Variants in PRKD1 observed in about 807,000 individuals in gnomAD.
The protein encoded by PRKD1 is serine/threonine-protein kinase D1.
A neutral mutation model predicts 95.9 loss-of-function variants in PRKD1; 63 were observed. That is an observed-to-expected ratio of 0.66 (90% confidence interval 0.54 to 0.81). The LOEUF is 0.81. PRKD1 is among the 30% of genes least tolerant of loss of function. The pLI is 0.00. For synonymous variants in PRKD1, 425 were observed against 423.1 expected (o/e 1.00, Z -0.05); for missense variants, 1,048 against 1,165.3 (o/e 0.90, Z 1.47).
intron 1 of PRKD1, among the ~76,000 whole-genome samples, chr14:29,925,437 T>C (rs1895263358): frequency 6.6e-6 from 1 of 152,204 alleles, no homozygotes; most frequent in South Asian, 2.1e-4. Context: ...TGTACTTCCC[T>C]TAAATACCCA....
intron 1 of PRKD1, among the ~76,000 whole-genome samples, chr14:29,810,452 C>A (rs1890435319): frequency 6.6e-6 from 1 of 152,222 alleles, no homozygotes; most frequent in Non-Finnish European, 1.5e-5. Context: ...TATGCTAATA[C>A]TTCAATCTAC....
At chr14:29,876,345 C>CTTGATACAAATGGAGGAGTA (rs1318138592) in intron 1 of PRKD1, among the ~76,000 whole-genome samples, 1 of 151,996 alleles carries the variant, frequency 6.6e-6, no homozygotes, top group African/African-American at 2.4e-5. Flanking sequence ...AAGAGTTTGC[C>CTTGATACAAATGGAGGAGTA]TACAAATGGA....
chr14:29,765,959 G>T (rs12895018), intron 1 of PRKD1, among the ~76,000 whole-genome samples: 26,283 of 152,052 alleles, frequency 0.17, 2,430 homozygotes, highest in South Asian at 0.23. Flanking sequence ...GACTGCATGG[G>T]TTTGCATGTT....
At chr14:29,724,599 T>G (rs544560803) in intron 2 of PRKD1, among the ~76,000 whole-genome samples, 3 of 152,088 alleles carry the variant, frequency 2.0e-5, no homozygotes, top group Non-Finnish European at 4.4e-5. Context: ...CAAAGCAAAG[T>G]GAATAAAACA....
chr14:29,832,173 CTTTCACCCAATATAGAGATA>C (rs1204947116), intron 1 of PRKD1, among the ~76,000 whole-genome samples: 4 of 152,228 alleles, frequency 2.6e-5, no homozygotes, highest in African/African-American at 9.6e-5. Context: ...CCAACTCACA[CTTTCACCCAATATAGAGATA>C]GTTCCCACCC....
At chr14:29,794,068 GATTT>G (rs1330497349) in intron 1 of PRKD1, among the ~76,000 whole-genome samples, 1 of 151,980 alleles carries the variant, frequency 6.6e-6, no homozygotes, top group Non-Finnish European at 1.5e-5. Context: ...ATAGAATGTA[GATTT>G]ATTATTAGGT....
At chr14:29,815,919 AAAC>A (rs1890668191) in intron 1 of PRKD1, among the ~76,000 whole-genome samples, 1 of 152,110 alleles carries the variant, frequency 6.6e-6, no homozygotes, top group Non-Finnish European at 1.5e-5. Flanking sequence ...GCATTTTGAT[AAAC>A]AACTTAGTCA....
intron 1 of PRKD1, among the ~76,000 whole-genome samples, chr14:29,841,043 T>C (rs1038267396): frequency 6.6e-6 from 1 of 152,266 alleles, no homozygotes; most frequent in African/African-American, 2.4e-5. Flanking sequence ...ACTGCCCTGC[T>C]GGATTCTGGA....
At chr14:29,815,926 T>G (rs1890668507) in intron 1 of PRKD1, among the ~76,000 whole-genome samples, 2 of 152,094 alleles carry the variant, frequency 1.3e-5, no homozygotes, top group African/African-American at 4.8e-5. Flanking sequence ...GATAAACAAC[T>G]TAGTCATATC....
chr14:29,742,237 A>G (rs1887011131), intron 1 of PRKD1, among the ~76,000 whole-genome samples: 1 of 152,208 alleles, frequency 6.6e-6, no homozygotes, highest in Admixed American at 6.5e-5. Flanking sequence ...CAGGAGAGGA[A>G]AGGAGAGCCA....
At chr14:29,720,717 T>A (rs1283853133) in intron 2 of PRKD1, among the ~76,000 whole-genome samples, 1 of 151,378 alleles carries the variant, frequency 6.6e-6, no homozygotes, top group Non-Finnish European at 1.5e-5. Flanking sequence ...GAGGTGGAGG[T>A]TGCAGTGAGC....
intron 13 of PRKD1, among the ~76,000 whole-genome samples, chr14:29,607,518 C>T (rs1878066735): frequency 6.6e-6 from 1 of 152,130 alleles, no homozygotes; most frequent in Non-Finnish European, 1.5e-5. Context: ...ATTTGGGCTG[C>T]AGGGGTGAAG....
chr14:29,767,282 A>G (rs1043072232), intron 1 of PRKD1, among the ~76,000 whole-genome samples: 1 of 152,140 alleles, frequency 6.6e-6, no homozygotes, highest in Admixed American at 6.6e-5. Flanking sequence ...ATGTCACCTA[A>G]TTTATCTCTG....
intron 13 of PRKD1, among the ~76,000 whole-genome samples, chr14:29,616,948 C>G (rs889312317): frequency 6.6e-6 from 1 of 152,160 alleles, no homozygotes; most frequent in Non-Finnish European, 1.5e-5. Context: ...ACCTCACCCT[C>G]TTCCCATACT....
At chr14:29,752,790 A>T (rs77332355) in intron 1 of PRKD1, among the ~76,000 whole-genome samples, 216 of 152,168 alleles carry the variant, frequency 1.4e-3, no homozygotes, top group African/African-American at 4.6e-3. Flanking sequence ...TACGGTACAT[A>T]AAAAAAGTAA....
intron 2 of PRKD1, among the ~76,000 whole-genome samples, chr14:29,711,040 C>T (rs1885312297): frequency 1.3e-5 from 2 of 151,964 alleles, no homozygotes; most frequent in Admixed American, 6.6e-5. Context: ...TTTTTAAAAG[C>T]AAAGAACCAA....
At chr14:29,666,442 C>A (rs1239147329) in intron 2 of PRKD1, among the ~76,000 whole-genome samples, 2 of 151,780 alleles carry the variant, frequency 1.3e-5, no homozygotes, top group Non-Finnish European at 2.9e-5. Context: ...GACCAAGTTT[C>A]AGACCACTTT....
intron 1 of PRKD1, among the ~76,000 whole-genome samples, chr14:29,803,607 A>T (rs1890120971): frequency 6.6e-6 from 1 of 152,180 alleles, no homozygotes; most frequent in South Asian, 2.1e-4. Context: ...TAAGAACTTG[A>T]GACTCTAAGA....
At chr14:29,750,524 C>T (rs534181329) in intron 1 of PRKD1, among the ~76,000 whole-genome samples, 6 of 151,988 alleles carry the variant, frequency 3.9e-5, no homozygotes, top group African/African-American at 7.3e-5. Context: ...TTCAGGATCA[C>T]GAATGGCCAG....
Sources: gnomAD v4.1 joint callset for allele counts (sites outside exome capture counted in the v4.1 genomes callset) on GRCh38, gnomAD v4.1.1 for gene constraint, MANE v1.5 for transcripts, NCBI Gene and HGNC (gene_info 2026-07-23, HGNC 2026-07-21) for gene names.